MYO5C: variants seen among roughly 807,000 people sequenced by gnomAD.
MYO5C encodes the protein unconventional myosin-Vc.
Under a neutral mutation model 235.7 loss-of-function variants are expected in MYO5C, and 194 were observed. The ratio of observed to expected loss-of-function variants is 0.82; its 90% CI spans 0.73 to 0.93. The LOEUF (loss-of-function observed/expected upper bound fraction) is 0.93. MYO5C is among the 40% of genes least tolerant of loss of function. MYO5C has a pLI of 0.00. For synonymous variants in MYO5C, 707 were observed against 754.8 expected (o/e 0.94, Z 1.04); for missense variants, 2,038 against 2,127.2 (o/e 0.96, Z 0.82).
At chr15:52,223,245 C>T (rs2035741023) in intron 29 of MYO5C, among the ~76,000 whole-genome samples, 1 of 151,786 alleles carries the variant, frequency 6.6e-6, no homozygotes, top group African/African-American at 2.4e-5. Context: ...TTTGTGGTCA[C>T]TTTCCAAGGG....
Position 52,277,990 on chromosome 15 carries a change from A to G in MYO5C, c.449+883T>C, listed in dbSNP as rs762300476. The G allele has an allele frequency of 2.3e-4, 107 of 455,842 alleles. 1 individual carries two copies. The highest frequency in any genetic ancestry group is 4.0e-5 in the Non-Finnish European group (9 of 226,752). The allele number at this position is 455,842 out of a possible 1,614,324, so 28.2% of individuals were successfully genotyped here. ...TTATGCAGTAAAGATTTAGGTAAAG[A>G]GTCAGCAGGTCCAGGTCCTGTGCCT... On this transcript the variant is annotated intron_variant, in intron 4 of 40. Coordinates refer to ENST00000261839, the MANE Select transcript of MYO5C (RefSeq NM_018728.4).
chr15:52,224,927 A>G lies in MYO5C; in HGVS notation c.3420T>C (p.Ala1140=). ...HLNEDGELWF[A]YEGLKKATRV... is the part of the protein sequence containing the mutation. ...GTGTTGCTTTCTTTAGTCCTTCATA[A>G]GCAAACCAAAGTTCTCCATCCTCAT... Residue 1140 remains alanine (A), a synonymous_variant, in exon 28 of 41, where the codon GCT becomes GCC. Coordinates refer to ENST00000261839, the MANE Select transcript of MYO5C (RefSeq NM_018728.4). 6.2e-7 allele frequency: 1 copy of G among 1,614,018 alleles called. No individual in the cohort carries two copies. The highest frequency in any genetic ancestry group is 1.1e-5 in the South Asian group (1 of 91,064).
At chr15:52,246,794 C>T in intron 16 of MYO5C, 123 bp downstream of exon 16, 1 of 705,746 alleles carries the variant, frequency 1.4e-6, no homozygotes, top group Non-Finnish European at 2.4e-6. Flanking sequence ...CAGCATTGTT[C>T]TGAATCATTA....
intron 2 of MYO5C, among the ~76,000 whole-genome samples, chr15:52,280,069 G>A (rs769965154): frequency 8.6e-5 from 13 of 152,024 alleles, no homozygotes; most frequent in Non-Finnish European, 1.8e-4. Flanking sequence ...TTTAAATGTT[G>A]AGGCCATGCA....
At chr15:52,244,829 G>T (rs974506288) in intron 18 of MYO5C, among the ~76,000 whole-genome samples, 2 of 152,224 alleles carry the variant, frequency 1.3e-5, no homozygotes, top group Admixed American at 1.3e-4. Context: ...GCGATTCTCA[G>T]TTGGGCTGCC....
In MYO5C at chr15:52,204,858, G is replaced by T. The variant is rs774103913; in HGVS notation, c.4820+7C>A. ...TCTCCGCGTGAGCGGAGGTTTCTGG[G>T]TTTTACCTGATCTGCATCCCTTTTC... On this transcript the variant is annotated splice_region_variant and intron_variant, in intron 38 of 40. Transcript: ENST00000261839. 2.0e-5 allele frequency: 32 copies of T among 1,613,160 alleles called. No individual in the cohort carries two copies. The highest frequency in any genetic ancestry group is 2.6e-5 in the Non-Finnish European group (31 of 1,179,754).
intron 38 of MYO5C, among the ~76,000 whole-genome samples, chr15:52,200,256 T>G (rs2035156449): frequency 6.6e-6 from 1 of 152,042 alleles, no homozygotes; most frequent in Non-Finnish European, 1.5e-5. Flanking sequence ...ATATTGACAT[T>G]CTCCATATGA....
chr15:52,283,857 T>G (rs1316031641), intron 1 of MYO5C, among the ~76,000 whole-genome samples: 2 of 152,064 alleles, frequency 1.3e-5, no homozygotes, highest in Admixed American at 6.5e-5. Flanking sequence ...GTATTTTTAG[T>G]AGAGTCAGGG....
chr15:52,206,043 T>G, intron 36 of MYO5C, 77 bp from the exon 37 acceptor site: 1 of 909,346 alleles, frequency 1.1e-6, no homozygotes, highest in Non-Finnish European at 1.6e-6. Context: ...CTATAACTCT[T>G]TTACCTTAAA....
chr15:52,286,004 C>G (rs946789974), intron 1 of MYO5C, among the ~76,000 whole-genome samples: 55 of 152,292 alleles, frequency 3.6e-4, no homozygotes, highest in African/African-American at 1.3e-3. Flanking sequence ...CTCTGCCCAG[C>G]CGCCCATCGT....
intron 21 of MYO5C, among the ~76,000 whole-genome samples, chr15:52,238,904 G>T (rs2036150221): frequency 6.6e-6 from 1 of 151,806 alleles, no homozygotes; most frequent in Non-Finnish European, 1.5e-5. Context: ...GCCTCCCAAA[G>T]TGCTGGGATT....
intron 1 of MYO5C, among the ~76,000 whole-genome samples, chr15:52,284,198 T>A (rs1341188939): frequency 1.6e-5 from 2 of 122,398 alleles, no homozygotes; most frequent in African/African-American, 8.6e-5. Flanking sequence ...TAAATGCCCA[T>A]TAATGAGAAT....
chr15:52,294,426 G>C (rs1410164956), intron 1 of MYO5C, among the ~76,000 whole-genome samples: 1 of 152,250 alleles, frequency 6.6e-6, no homozygotes, highest in African/African-American at 2.4e-5. Context: ...AGATGCAATA[G>C]AGGAGAAACT....
rs1022257034 is a variant in MYO5C at position 52,213,346 on chromosome 15, A to G, written c.4043-60T>C. 39 of 1,194,534 alleles carry G rather than the reference A, an allele frequency of 3.3e-5. No individual in the cohort carries two copies. The African/African-American group carries it at 4.3e-4, about 13-fold the overall frequency. The allele number at this position is 1,194,534 out of a possible 1,614,324, so 74.0% of individuals were successfully genotyped here. A position where few individuals can be genotyped will look rare whatever the true frequency, so the allele number is the denominator to read the frequency against. ...AAAAGCAGCTTTCACAGGTCTCACA[A>G]TGTGACTACTCTCCTACCCCATTCT... On this transcript the variant is annotated intron_variant, in intron 33 of 40. Transcript: ENST00000261839.
chr15:52,216,943 C>T (rs1007688534), intron 32 of MYO5C, among the ~76,000 whole-genome samples: 1 of 152,186 alleles, frequency 6.6e-6, no homozygotes, highest in Non-Finnish European at 1.5e-5. Context: ...GCCTGGAGCC[C>T]TCTAGAAGCT....
intron 35 of MYO5C, among the ~76,000 whole-genome samples, 171 bp from the exon 36 acceptor site, chr15:52,208,814 C>A (rs1047831009): frequency 2.7e-4 from 41 of 152,244 alleles, no homozygotes; most frequent in African/African-American, 9.6e-4. Context: ...TTTAATAGGT[C>A]ACAGTTTGTA....
intron 38 of MYO5C, among the ~76,000 whole-genome samples, chr15:52,197,242 C>T (rs2035073083): frequency 6.6e-6 from 1 of 152,188 alleles, no homozygotes; most frequent in African/African-American, 2.4e-5. Flanking sequence ...CCCAAAATAT[C>T]CATCAACTGA....
intron 10 of MYO5C, among the ~76,000 whole-genome samples, chr15:52,260,375 T>C (rs1389349350): frequency 2.6e-5 from 4 of 152,200 alleles, no homozygotes; most frequent in African/African-American, 9.6e-5. Context: ...GGTGCAAGCC[T>C]AGGTGACTTG....
At chr15:52,255,622 T>C (rs2036563482) in intron 11 of MYO5C, among the ~76,000 whole-genome samples, 1 of 152,194 alleles carries the variant, frequency 6.6e-6, no homozygotes, top group Admixed American at 6.5e-5. Context: ...TTGACTTCTG[T>C]TAGGAGCAGA....
Sources: allele counts gnomAD v4.1 joint callset (sites outside exome capture counted in the v4.1 genomes callset), GRCh38; gene constraint gnomAD v4.1.1; transcripts MANE v1.5; gene names NCBI Gene and HGNC (gene_info 2026-07-23, HGNC 2026-07-21).